The following ADD3 variants were observed in gnomAD, a reference collection of about 807,000 sequenced individuals.
ADD3 encodes the protein adducin 3, also known as gamma-adducin.
Under a neutral mutation model 80.2 loss-of-function variants are expected in ADD3, and 25 were observed. The ratio of observed to expected loss-of-function variants is 0.31; its 90% CI spans 0.23 to 0.44. ADD3 has a LOEUF of 0.44. Ranked by LOEUF, ADD3 falls within the 20% of genes least tolerant of loss-of-function variation. ADD3 has a pLI of 1.00. For missense variants in ADD3, 829 were observed against 847.5 expected (o/e 0.98, Z 0.27); for synonymous variants, 284 against 289.6 (o/e 0.98, Z 0.20).
At chr10:110,039,765 A>C (rs2133277752) in intron 1 of ADD3, among the ~76,000 whole-genome samples, 1 of 152,292 alleles carries the variant, frequency 6.6e-6, no homozygotes, top group South Asian at 2.1e-4. Flanking sequence ...TTGGGTCTTC[A>C]GTCATTTCAA....
intron 1 of ADD3, among the ~76,000 whole-genome samples, chr10:110,054,330 A>G (rs1857873769): frequency 6.6e-6 from 1 of 151,886 alleles, no homozygotes; most frequent in Non-Finnish European, 1.5e-5. Context: ...TGCTGCTATT[A>G]TTTGTGTGTA....
At chr10:110,081,169 A>G (rs1846011493) in intron 1 of ADD3, among the ~76,000 whole-genome samples, 2 of 152,214 alleles carry the variant, frequency 1.3e-5, no homozygotes, top group South Asian at 2.1e-4. Flanking sequence ...TATACCTTGA[A>G]TATACTTTTC....
chr10:110,031,164 C>T (rs960628274), intron 1 of ADD3, among the ~76,000 whole-genome samples: 2 of 152,186 alleles, frequency 1.3e-5, no homozygotes, highest in African/African-American at 4.8e-5. Flanking sequence ...GTCCTAGCTA[C>T]TCGGGAGACT....
intron 1 of ADD3, among the ~76,000 whole-genome samples, chr10:110,034,663 C>T (rs1046396365): frequency 2.0e-5 from 3 of 152,026 alleles, no homozygotes; most frequent in Non-Finnish European, 1.5e-5. Flanking sequence ...AAATTACTTA[C>T]GTATACCAGT....
At chr10:110,011,110 A>C (rs538236225) in intron 1 of ADD3, among the ~76,000 whole-genome samples, 1 of 146,870 alleles carries the variant, frequency 6.8e-6, no homozygotes, top group Non-Finnish European at 1.5e-5. Context: ...GAAGCTTACC[A>C]GATATGTAGG....
chr10:110,063,145 A>T (rs1242689692), intron 1 of ADD3, among the ~76,000 whole-genome samples: 1 of 152,088 alleles, frequency 6.6e-6, no homozygotes, highest in African/African-American at 2.4e-5. Context: ...TGTTTTGTGA[A>T]TGTGTTGTTA....
At chr10:110,001,477 C>T (rs916665708), upstream of ADD3, among the ~76,000 whole-genome samples, 2 of 151,784 alleles carry the variant, frequency 1.3e-5, no homozygotes, top group Non-Finnish European at 2.9e-5. Flanking sequence ...CACATTTATG[C>T]AGCAGAAAAG....
In ADD3 at chr10:110,063,745, A is replaced by ATATATATATAT. The variant is rs1334160262; in HGVS notation, c.-29-36879_-29-36869dup. Among the ~76,000 whole-genome samples, 85 of 30,572 alleles carry ATATATATATAT rather than the reference A, an allele frequency of 2.8e-3. 3 individuals carry two copies. The highest frequency in any genetic ancestry group is 5.5e-4 in the Non-Finnish European group (9 of 16,502). The allele number at this position is 30,572 out of a possible 152,430, so 20.1% of individuals were successfully genotyped here. ...ATGAATATATATATTCATTATATAT[A>ATATATATATAT]TATATATATATATATATATATATAT... On this transcript the variant is annotated intron_variant, in intron 1 of 14. Coordinates refer to ENST00000356080, the MANE Select transcript of ADD3 (RefSeq NM_016824.5).
chr10:110,059,755 C>T (rs1029552469), intron 1 of ADD3, among the ~76,000 whole-genome samples: 15 of 151,966 alleles, frequency 9.9e-5, no homozygotes, highest in South Asian at 2.1e-4. Context: ...GGTGACAGAG[C>T]GAGACTCTGT....
intron 1 of ADD3, among the ~76,000 whole-genome samples, chr10:110,061,741 C>A (rs1233385136): frequency 6.6e-6 from 1 of 152,150 alleles, no homozygotes; most frequent in African/African-American, 2.4e-5. Flanking sequence ...CTACACTAGA[C>A]CCATTATAGG....
At chr10:110,123,480 AT>A (rs1222350664) in intron 9 of ADD3, among the ~76,000 whole-genome samples, 1 of 152,072 alleles carries the variant, frequency 6.6e-6, no homozygotes, top group Non-Finnish European at 1.5e-5. Flanking sequence ...CTTGTTGACC[AT>A]TTGTATGTCT....
At position 110,111,323 on chromosome 10, in the gene ADD3, C is replaced by A. The variant is rs144126646; in HGVS notation, c.196-1454C>A. Reference sequence around the variant, plus strand: ...GGTTAAGTGACTTATGTTGCAAGAACCTTCATCTTTAAAACGAAGGAGACA... The same window carrying A: ...GGTTAAGTGACTTATGTTGCAAGAAACTTCATCTTTAAAACGAAGGAGACA... On this transcript the variant is annotated intron_variant, in intron 2 of 14. Transcript: ENST00000356080. 5.9e-3 allele frequency among the ~76,000 whole-genome samples: 898 copies of A among 152,262 alleles called. 7 individuals carry two copies. The highest frequency in any genetic ancestry group is 0.021 in the African/African-American group (862 of 41,540).
At chr10:110,021,524 G>A (rs1045576979) in intron 1 of ADD3, among the ~76,000 whole-genome samples, 32 of 152,306 alleles carry the variant, frequency 2.1e-4, no homozygotes, top group African/African-American at 7.5e-4. Flanking sequence ...GGGATATTAT[G>A]CAGTCATAAA....
At chr10:110,030,426 A>G (rs1331586902) in intron 1 of ADD3, among the ~76,000 whole-genome samples, 1 of 151,434 alleles carries the variant, frequency 6.6e-6, no homozygotes, top group Non-Finnish European at 1.5e-5. Flanking sequence ...ACTTGTGTAT[A>G]TGTTTGACAA....
chr10:110,021,344 C>T (rs967512555), intron 1 of ADD3, among the ~76,000 whole-genome samples: 2 of 152,104 alleles, frequency 1.3e-5, no homozygotes, highest in Non-Finnish European at 2.9e-5. Context: ...TAACGGTTTA[C>T]GATCCAGCAC....
At chr10:110,046,369 C>T (rs984604922) in intron 1 of ADD3, among the ~76,000 whole-genome samples, 1 of 151,188 alleles carries the variant, frequency 6.6e-6, no homozygotes, top group East Asian at 1.9e-4. Context: ...GTAAGGCTTC[C>T]AGTCAATAGT....
At chr10:110,125,366 CTT>C (rs1420573848) in intron 10 of ADD3, among the ~76,000 whole-genome samples, 1 of 151,914 alleles carries the variant, frequency 6.6e-6, no homozygotes, top group East Asian at 1.9e-4. Context: ...AGGGCTTGGC[CTT>C]TTCTGTCAGC....
chr10:110,046,530 G>A (rs2133350627), intron 1 of ADD3, among the ~76,000 whole-genome samples: 1 of 152,042 alleles, frequency 6.6e-6, no homozygotes. Flanking sequence ...AGCTTTGAAG[G>A]ATATAAAATC....
chr10:110,030,186 G>A (rs1022460094), intron 1 of ADD3, among the ~76,000 whole-genome samples: 4 of 151,194 alleles, frequency 2.6e-5, no homozygotes, highest in African/African-American at 9.7e-5. Context: ...AGCCGGGCAT[G>A]GTGGCACATG....
Sources: gnomAD v4.1 joint callset for allele counts (sites outside exome capture counted in the v4.1 genomes callset) on GRCh38, gnomAD v4.1.1 for gene constraint, MANE v1.5 for transcripts, NCBI Gene and HGNC (gene_info 2026-07-23, HGNC 2026-07-21) for gene names.